RANBP10: variants seen among roughly 807,000 people sequenced by gnomAD.
RANBP10 encodes RAN binding protein 10.
A neutral mutation model predicts 72.8 loss-of-function variants in RANBP10; 24 were observed. The ratio of observed to expected loss-of-function variants is 0.33; its 90% CI spans 0.24 to 0.46. RANBP10 has a LOEUF of 0.46. Among genes scored for constraint, RANBP10 ranks in the 20% least tolerant of loss-of-function variants. RANBP10 has a pLI of 1.00. For missense variants in RANBP10, 679 were observed against 817.5 expected, an observed-to-expected ratio of 0.83 and a Z score of 2.07; for synonymous variants, 310 against 322.3, an observed-to-expected ratio of 0.96 and a Z score of 0.41.
At chr16:67,766,420 A>G (rs1207617757) in intron 3 of RANBP10, among the ~76,000 whole-genome samples, 2 of 152,172 alleles carry the variant, frequency 1.3e-5, no homozygotes, top group African/African-American at 4.8e-5. Context: ...GTGATTCTCA[A>G]TGATGGAATG....
intron 5 of RANBP10, among the ~76,000 whole-genome samples, chr16:67,736,567 C>T (rs1337120514): frequency 6.6e-6 from 1 of 152,214 alleles, no homozygotes; most frequent in African/African-American, 2.4e-5. Context: ...CCTTTCTTTC[C>T]CCTACCATCC....
chr16:67,757,037 T>C (rs1469474287), intron 3 of RANBP10, among the ~76,000 whole-genome samples: 1 of 152,038 alleles, frequency 6.6e-6, no homozygotes, highest in Non-Finnish European at 1.5e-5. Context: ...AAACCCCGTC[T>C]TAACTAAAAA....
intron 2 of RANBP10, among the ~76,000 whole-genome samples, chr16:67,785,274 A>C (rs915727558): frequency 1.3e-5 from 2 of 151,980 alleles, no homozygotes; most frequent in Non-Finnish European, 2.9e-5. Context: ...GGAAGGGAAA[A>C]ACTAAAATAA....
At chr16:67,773,233 A>C (rs141727893) in intron 2 of RANBP10, among the ~76,000 whole-genome samples, 11 of 152,182 alleles carry the variant, frequency 7.2e-5, no homozygotes, top group African/African-American at 2.6e-4. Context: ...CTGGTTGTTT[A>C]AAAGAGTATA....
At chr16:67,804,430 C>G (rs774255378) in intron 2 of RANBP10, among the ~76,000 whole-genome samples, 29 of 151,864 alleles carry the variant, frequency 1.9e-4, no homozygotes, top group Non-Finnish European at 4.0e-4. Flanking sequence ...GGGACAGAGT[C>G]TCACTCTATT....
intron 3 of RANBP10, among the ~76,000 whole-genome samples, chr16:67,753,427 G>A (rs1183158307): frequency 6.6e-6 from 1 of 152,116 alleles, no homozygotes; most frequent in African/African-American, 2.4e-5. Flanking sequence ...CCAGGAGTTT[G>A]AGGTGGCAGT....
At chr16:67,763,851 C>T (rs571250104) in intron 3 of RANBP10, among the ~76,000 whole-genome samples, 12 of 152,314 alleles carry the variant, frequency 7.9e-5, no homozygotes, top group Middle Eastern at 3.4e-3. Flanking sequence ...CACGCCACCA[C>T]GCCCGGCTAA....
intron 3 of RANBP10, among the ~76,000 whole-genome samples, chr16:67,761,316 A>G (rs1434867501): frequency 6.6e-6 from 1 of 152,112 alleles, no homozygotes; most frequent in African/African-American, 2.4e-5. Flanking sequence ...TCCAAGCAAG[A>G]CCCCAGGGTG....
chr16:67,805,348 G>A, intron 2 of RANBP10, 80 bp downstream of exon 2: 4 of 1,282,752 alleles, frequency 3.1e-6, no homozygotes, highest in South Asian at 1.3e-5. Flanking sequence ...TCAGCAACAA[G>A]TGCCAGCCAA....
At chr16:67,742,153 G>C (rs1245208988) in intron 4 of RANBP10, among the ~76,000 whole-genome samples, 1 of 150,722 alleles carries the variant, frequency 6.6e-6, no homozygotes, top group African/African-American at 2.4e-5. Context: ...CAAGCAATCT[G>C]CCCACCTCGG....
chr16:67,775,142 T>C (rs980647941), intron 2 of RANBP10, among the ~76,000 whole-genome samples: 7 of 151,946 alleles, frequency 4.6e-5, no homozygotes, highest in Admixed American at 4.6e-4. Flanking sequence ...TGAAACACCG[T>C]CTCTACTAAA....
chr16:67,772,525 G>C, intron 2 of RANBP10, among the ~76,000 whole-genome samples: 1 of 152,184 alleles, frequency 6.6e-6, no homozygotes, highest in East Asian at 1.9e-4. Context: ...ACATGGTAAA[G>C]CCAAGTTGGA....
At chr16:67,779,049 T>A (rs1047610051) in intron 2 of RANBP10, among the ~76,000 whole-genome samples, 1 of 151,640 alleles carries the variant, frequency 6.6e-6, no homozygotes, top group African/African-American at 2.4e-5. Flanking sequence ...CCTCCCGCCA[T>A]TGCACTCCAG....
chr16:67,739,431 A>G (rs1192666829), intron 4 of RANBP10, among the ~76,000 whole-genome samples: 8 of 152,168 alleles, frequency 5.3e-5, no homozygotes, highest in African/African-American at 1.9e-4. Context: ...CAATGCTTCA[A>G]TGTCATCCCC....
At chr16:67,753,331 C>T (rs1597861199) in intron 3 of RANBP10, among the ~76,000 whole-genome samples, 1 of 152,038 alleles carries the variant, frequency 6.6e-6, no homozygotes, top group Non-Finnish European at 1.5e-5. Context: ...CATGGTGACA[C>T]CCCACCTCTA....
chr16:67,756,519 A>G (rs2054288380), intron 3 of RANBP10, among the ~76,000 whole-genome samples: 1 of 151,928 alleles, frequency 6.6e-6, no homozygotes, highest in African/African-American at 2.4e-5. Flanking sequence ...CCTGGCCAAA[A>G]TGGTGAAACC....
chr16:67,768,062 C>G (rs145262730), intron 3 of RANBP10, among the ~76,000 whole-genome samples: 6,934 of 142,866 alleles, frequency 0.049, 463 homozygotes, highest in African/African-American at 0.16. Flanking sequence ...AAGACCTTGT[C>G]TCAAAAAAAA....
chr16:67,742,150 T>C (rs1218148571), intron 4 of RANBP10, among the ~76,000 whole-genome samples: 2 of 151,400 alleles, frequency 1.3e-5, no homozygotes, highest in Non-Finnish European at 2.9e-5. Context: ...GCTCAAGCAA[T>C]CTGCCCACCT....
At chr16:67,785,379 A>T (rs1313098310) in intron 2 of RANBP10, among the ~76,000 whole-genome samples, 1 of 152,080 alleles carries the variant, frequency 6.6e-6, no homozygotes, top group African/African-American at 2.4e-5. Flanking sequence ...AGATGATACA[A>T]AAAGGATGAA....
Sources: gnomAD v4.1 joint callset for allele counts (sites outside exome capture counted in the v4.1 genomes callset) on GRCh38, gnomAD v4.1.1 for gene constraint, MANE v1.5 for transcripts, NCBI Gene and HGNC (gene_info 2026-07-23, HGNC 2026-07-21) for gene names.